Variants in HKDC1 observed in about 807,000 individuals in gnomAD.
The protein encoded by HKDC1 is hexokinase domain containing 1.
HKDC1 carries 66 observed loss-of-function variants against 96.6 expected under a neutral mutation model. That is an observed-to-expected ratio of 0.68 (90% CI 0.56 to 0.84). HKDC1 has a LOEUF of 0.84. HKDC1 is among the 40% of genes least tolerant of loss of function. The pLI is 0.00. For missense variants in HKDC1, 1,211 were observed against 1,208.1 expected (o/e 1.00, Z -0.04); for synonymous variants, 466 against 473.1 (o/e 0.98, Z 0.20).
At chr10:69,234,554 C>A (rs1843333025) in intron 4 of HKDC1, among the ~76,000 whole-genome samples, 1 of 152,266 alleles carries the variant, frequency 6.6e-6, no homozygotes. Context: ...TGTGTCCCAC[C>A]TTGTTTTCTC....
chr10:69,243,374 C>G lies in HKDC1; in HGVS notation c.875+9C>G. ...AACCCAGGAAAGCAACTGTGAGTTC[C>G]CTTCTGGTGTTATCTGGGCATCGGC... On this transcript the variant is annotated intron_variant, in intron 7 of 17. Transcript: ENST00000354624. The G allele has an allele frequency of 6.4e-7, 1 of 1,555,950 alleles. No individual in the cohort carries two copies. Among genetic ancestry groups the G allele is most frequent in the Non-Finnish European group, 8.7e-7 (1 of 1,150,208 alleles).
chr10:69,220,618 A>C, intron 1 of HKDC1, 120 bp downstream of exon 1: 1 of 632,570 alleles, frequency 1.6e-6, no homozygotes, highest in Non-Finnish European at 2.6e-6. Flanking sequence ...TACTGGGAGC[A>C]TATGACCAGT....
At chr10:69,244,226 CTCT>C (rs1304392994) in intron 7 of HKDC1, among the ~76,000 whole-genome samples, 1 of 152,206 alleles carries the variant, frequency 6.6e-6, no homozygotes, top group Non-Finnish European at 1.5e-5. Context: ...TGTTCCATCA[CTCT>C]TTAAGTACTT....
At chr10:69,241,776 C>T (rs2132351195) in intron 6 of HKDC1, among the ~76,000 whole-genome samples, 1 of 152,302 alleles carries the variant, frequency 6.6e-6, no homozygotes, top group African/African-American at 2.4e-5. Context: ...TGAGCCACCA[C>T]GCCCGGCCGG....
intron 2 of HKDC1, among the ~76,000 whole-genome samples, chr10:69,229,390 C>T (rs4072136): frequency 0.21 from 32,340 of 152,130 alleles, 4,040 homozygotes; most frequent in Non-Finnish European, 0.29. Context: ...CCTGGAAGGA[C>T]GTTGAGCTTC....
At chr10:69,229,247 T>C (rs1433398459) in intron 2 of HKDC1, among the ~76,000 whole-genome samples, 5 of 152,192 alleles carry the variant, frequency 3.3e-5, no homozygotes, top group Non-Finnish European at 5.9e-5. Flanking sequence ...TCAGTCGTGT[T>C]CTGGACCTCT....
At position 69,264,613 on chromosome 10, in the gene HKDC1, T is replaced by C. The variant is rs530025894; in HGVS notation, c.2373-972T>C. Among the ~76,000 whole-genome samples the C allele has an allele frequency of 3.0e-3, 463 of 152,316 alleles. 3 individuals are homozygous for C. The highest frequency in any genetic ancestry group is 0.011 in the African/African-American group (440 of 41,570). ...AATTCCTGGCCTAAAGTGATTCTCC[T>C]GCCTCAGCCTCTTAAAGTGCTGGGA... On this transcript the variant is annotated intron_variant, in intron 16 of 17. Transcript: ENST00000354624.
At chr10:69,248,200 C>T (rs570182549) in intron 9 of HKDC1, among the ~76,000 whole-genome samples, 27 of 124,778 alleles carry the variant, frequency 2.2e-4, no homozygotes, top group Middle Eastern at 4.2e-3. Context: ...TTGAAATGTT[C>T]GTTGACAGAA....
intron 10 of HKDC1, among the ~76,000 whole-genome samples, chr10:69,249,633 C>A (rs769228958): frequency 3.3e-5 from 5 of 152,176 alleles, no homozygotes; most frequent in Non-Finnish European, 5.9e-5. Context: ...GTAGCTGGGA[C>A]TACAGGCGCC....
At chr10:69,239,367 G>A (rs932188602) in intron 5 of HKDC1, among the ~76,000 whole-genome samples, 1 of 152,218 alleles carries the variant, frequency 6.6e-6, no homozygotes, top group African/African-American at 2.4e-5. Flanking sequence ...TTGAAAGGTG[G>A]CCAGCTCATC....
At chr10:69,248,935 C>A in intron 10 of HKDC1, 1 of 562,608 alleles carries the variant, frequency 1.8e-6, no homozygotes, top group Non-Finnish European at 3.1e-6. Context: ...AATAAACAAA[C>A]AAAAACACAA....
intron 12 of HKDC1, 149 bp from the exon 13 acceptor site, chr10:69,256,887 G>A (rs1843723801): frequency 1.5e-6 from 1 of 657,652 alleles, no homozygotes; most frequent in African/African-American, 1.8e-5. Flanking sequence ...GCTGTGCCCA[G>A]GGTTAGGGTT....
intron 2 of HKDC1, among the ~76,000 whole-genome samples, chr10:69,232,161 G>T (rs956706851): frequency 6.6e-6 from 1 of 152,146 alleles, no homozygotes; most frequent in Non-Finnish European, 1.5e-5. Flanking sequence ...TCAATTAATG[G>T]CATCTGTCTT....
chr10:69,261,033 G>A, intron 15 of HKDC1, 106 bp from the exon 16 acceptor site: 1 of 984,170 alleles, frequency 1.0e-6, no homozygotes, highest in Non-Finnish European at 1.6e-6. Flanking sequence ...GGCAGAGCTA[G>A]GATCTGGATC....
chr10:69,229,335 G>T (rs547336414), intron 2 of HKDC1, among the ~76,000 whole-genome samples: 1 of 152,362 alleles, frequency 6.6e-6, no homozygotes, highest in African/African-American at 2.4e-5. Context: ...GAAAGGCCCT[G>T]TGCCCTCACT....
chr10:69,226,490 T>TA (rs1352891627), intron 1 of HKDC1, among the ~76,000 whole-genome samples: 47 of 144,772 alleles, frequency 3.2e-4, no homozygotes, highest in South Asian at 4.3e-4. Context: ...CTACTAAAAA[T>TA]AAAAATAAAA....
At chr10:69,266,463 T>A (rs370843099) in intron 17 of HKDC1, 147 bp from the exon 18 acceptor site, 8 of 548,746 alleles carry the variant, frequency 1.5e-5, no homozygotes, top group Admixed American at 7.4e-5. Flanking sequence ...AGACCATGTC[T>A]AAAAAAAAAA....
Position 69,257,301 on chromosome 10 carries a change from TTTTTTGTTTTTG to T in HKDC1, c.1933-14_1933-3del, listed in dbSNP as rs756592315. On this transcript the variant is annotated splice_polypyrimidine_tract_variant and intron_variant, in intron 13 of 17. Coordinates refer to ENST00000354624, the MANE Select transcript of HKDC1 (RefSeq NM_025130.4). ...ATTCAACTCATAGTAAAGCTGGGTT[TTTTTTGTTTTTG>T]TTTTTGTTTTTAGGAGTTTGACCTG... 1.9e-6 allele frequency: 3 copies of T among 1,596,366 alleles called. No homozygotes were observed. Among genetic ancestry groups the T allele is most frequent in the Admixed American group, 3.3e-5 (2 of 59,926 alleles).
intron 17 of HKDC1, 47 bp downstream of exon 17, chr10:69,265,865 C>T (rs754955636): frequency 1.0e-5 from 14 of 1,396,324 alleles, no homozygotes; most frequent in South Asian, 4.8e-5. Flanking sequence ...GGAGGGCTGG[C>T]GGCCAAGTGT....
Sources: allele counts gnomAD v4.1 joint callset (sites outside exome capture counted in the v4.1 genomes callset), GRCh38; gene constraint gnomAD v4.1.1; transcripts MANE v1.5; gene names NCBI Gene and HGNC (gene_info 2026-07-23, HGNC 2026-07-21).